The following KIAA0319L variants were observed in gnomAD, a reference collection of about 807,000 sequenced individuals.
KIAA0319L encodes the protein KIAA0319 like, also known as dyslexia-associated protein KIAA0319-like protein.
Under a neutral mutation model 120.1 loss-of-function variants are expected in KIAA0319L, and 55 were observed. That is an observed-to-expected ratio of 0.46 (90% CI 0.37 to 0.57). The LOEUF is 0.57. Ranked by LOEUF, KIAA0319L falls within the 20% of genes least tolerant of loss-of-function variation. The pLI, the probability that KIAA0319L is intolerant of heterozygous loss-of-function variation, is 0.00. For missense variants in KIAA0319L, 1,049 were observed against 1,255.3 expected, an observed-to-expected ratio of 0.84 and a Z score of 2.48; for synonymous variants, 398 against 471.9, an observed-to-expected ratio of 0.84 and a Z score of 2.03.
rs546179797 is a variant in KIAA0319L at position 35,522,142 on chromosome 1, G to A, written c.143-15007C>T. On this transcript the variant is annotated intron_variant, in intron 2 of 20. Transcript: ENST00000325722. ...ATAGCATGCCACAATTTGTTGAGGGGGGAGAAAATATATATATATGCACAT... is the reference window on the plus strand; with the variant it reads ...ATAGCATGCCACAATTTGTTGAGGGAGGAGAAAATATATATATATGCACAT... Among the ~76,000 whole-genome samples, 3 of 152,022 alleles carry A rather than the reference G, an allele frequency of 2.0e-5. No individual in the cohort carries two copies. In the South Asian group the frequency reaches 6.2e-4, roughly 32 times the overall value.
intron 2 of KIAA0319L, among the ~76,000 whole-genome samples, chr1:35,520,303 T>C (rs548249402): frequency 6.6e-6 from 1 of 152,114 alleles, no homozygotes; most frequent in Non-Finnish European, 1.5e-5. Context: ...TTTCACCATA[T>C]TGGCCAGGCT....
chr1:35,514,125 T>A (rs1418441055), intron 2 of KIAA0319L, among the ~76,000 whole-genome samples: 1 of 152,142 alleles, frequency 6.6e-6, no homozygotes, highest in Non-Finnish European at 1.5e-5. Flanking sequence ...GTTAAGTGAA[T>A]TACGGCATAG....
chr1:35,454,123 G>C, intron 11 of KIAA0319L: 1 of 491,658 alleles, frequency 2.0e-6, no homozygotes, highest in Non-Finnish European at 3.6e-6. Flanking sequence ...TATTTCCTAG[G>C]TCTCTTTGAA....
intron 3 of KIAA0319L, among the ~76,000 whole-genome samples, chr1:35,484,270 T>C (rs1644281006): frequency 1.3e-5 from 2 of 152,152 alleles, no homozygotes. Context: ...TGTCTTTGGG[T>C]GTTACACATT....
intron 2 of KIAA0319L, among the ~76,000 whole-genome samples, chr1:35,534,858 C>CAAAAAAAAAAAAAAAA (rs779838672): frequency 2.3e-5 from 1 of 42,636 alleles, no homozygotes; most frequent in Non-Finnish European, 5.5e-5. Flanking sequence ...GACTCCGTCT[C>CAAAAAAAAAAAAAAAA]AAAAAAAAAA....
intron 20 of KIAA0319L, chr1:35,438,406 C>A (rs549037088): frequency 1.8e-4 from 28 of 151,870 alleles, no homozygotes; most frequent in African/African-American, 6.8e-4. Context: ...AAGTCTTCCT[C>A]AAAAATGTAT....
intron 20 of KIAA0319L, chr1:35,435,463 G>C (rs771824391): frequency 5.6e-6 from 1 of 179,944 alleles, no homozygotes; most frequent in Non-Finnish European, 1.2e-5. Flanking sequence ...AAAGAACTCA[G>C]GCTCTGGAGA....
At chr1:35,447,700 T>C (rs1641735854) in intron 16 of KIAA0319L, among the ~76,000 whole-genome samples, 1 of 151,490 alleles carries the variant, frequency 6.6e-6, no homozygotes, top group Non-Finnish European at 1.5e-5. Flanking sequence ...GCTTCCCAAA[T>C]AGCTTGGACT....
chr1:35,538,642 G>C (rs1304742711), intron 2 of KIAA0319L, among the ~76,000 whole-genome samples: 1 of 148,324 alleles, frequency 6.7e-6, no homozygotes, highest in African/African-American at 2.5e-5. Context: ...TTAAGGCACT[G>C]ACTGAATGTG....
Position 35,448,316 on chromosome 1 carries a change from G to A in KIAA0319L, c.2370C>T (p.Asn790=), listed in dbSNP as rs750477600. 3.7e-6 allele frequency: 6 copies of A among 1,613,980 alleles called. No homozygotes were observed. The Admixed American group carries it at 1.0e-4, about 27-fold the overall frequency. ...VEVKPDPRKN[N]LVEIILDINV... is the part of the protein sequence containing the mutation. ...TGATATCCAAGATGATCTCCACCAG[G>A]TTGTTTTTCCTGGGATCTGGAAAGC... The change falls in exon 16 of 21, where the codon AAC becomes AAT. Residue 790 remains asparagine (N), a synonymous_variant. Transcript: ENST00000325722.
At chr1:35,527,628 G>A (rs1417297779) in intron 2 of KIAA0319L, among the ~76,000 whole-genome samples, 3 of 152,012 alleles carry the variant, frequency 2.0e-5, no homozygotes, top group African/African-American at 7.2e-5. Context: ...TTCAATCTTG[G>A]TAGGTTTTAT....
In KIAA0319L at chr1:35,544,104, G is replaced by A. The variant is rs529134572; in HGVS notation, c.142+10246C>T. ...AAGACTGGGCCGGGCATGGTGGCTC[G>A]TGCTTGTAATCCTAGCACTTTGGGG... On this transcript the variant is annotated intron_variant, in intron 2 of 20. Coordinates refer to ENST00000325722, the MANE Select transcript of KIAA0319L (RefSeq NM_024874.5). Among the ~76,000 whole-genome samples, 9 of 152,174 alleles carry A rather than the reference G, an allele frequency of 5.9e-5. No individual in the cohort carries two copies. In the Middle Eastern group the frequency reaches 0.01, roughly 173 times the overall value.
At chr1:35,450,306 G>C in intron 14 of KIAA0319L, 52 bp downstream of exon 14, 1 of 1,558,898 alleles carries the variant, frequency 6.4e-7, no homozygotes, top group South Asian at 1.2e-5. Context: ...GGAACGCGTG[G>C]CTCCTCCTCC....
chr1:35,481,139 T>A (rs1435699883), intron 3 of KIAA0319L, among the ~76,000 whole-genome samples: 3 of 152,252 alleles, frequency 2.0e-5, no homozygotes, highest in Non-Finnish European at 4.4e-5. Context: ...TTCTTTTTTA[T>A]TACTGAGTAG....
At chr1:35,486,429 CTATTT>C (rs1015242190) in intron 3 of KIAA0319L, among the ~76,000 whole-genome samples, 2 of 148,512 alleles carry the variant, frequency 1.3e-5, no homozygotes, top group African/African-American at 2.5e-5. Context: ...GTTTCTGCTT[CTATTT>C]TATTTCTAGA....
At chr1:35,441,213 T>C in intron 19 of KIAA0319L, 75 bp from the exon 20 acceptor site, 1 of 1,320,016 alleles carries the variant, frequency 7.6e-7, no homozygotes, top group East Asian at 2.3e-5. Flanking sequence ...CAGATGTGCA[T>C]GCAGGGCCCT....
At chr1:35,478,827 G>C in intron 4 of KIAA0319L, 139 bp downstream of exon 4, 1 of 1,015,642 alleles carries the variant, frequency 9.8e-7, no homozygotes, top group Non-Finnish European at 1.4e-6. Flanking sequence ...GTCCATGACT[G>C]CAGGGGCAAT....
intron 19 of KIAA0319L, among the ~76,000 whole-genome samples, chr1:35,441,628 T>C (rs1001555411): frequency 7.9e-5 from 12 of 152,278 alleles, no homozygotes; most frequent in African/African-American, 2.9e-4. Flanking sequence ...TTTTTTTATC[T>C]GTAAAATGGG....
rs113738511 is a variant in KIAA0319L, at chr1:35,437,118, G to A, written c.2963-2037C>T. Among the ~76,000 whole-genome samples the A allele has an allele frequency of 9.9e-4, 151 of 152,180 alleles. 1 individual carries two copies. Among genetic ancestry groups the A allele is most frequent in the African/African-American group, 3.4e-3 (141 of 41,506 alleles). ...CCAGCCCTGCTGCCCTCACCTGGTC[G>A]CACGTTGTTGGTTTTGGTCACCTAG... On this transcript the variant is annotated intron_variant, in intron 20 of 20. Transcript: ENST00000325722. The surrounding 1 kb of genome is among the most constrained non-coding windows in gnomAD (Gnocchi z 4.1).
Sources: gnomAD v4.1 joint callset for allele counts (sites outside exome capture counted in the v4.1 genomes callset) on GRCh38, gnomAD v4.1.1 for gene constraint, Gnocchi (gnomAD v3.1) non-coding constraint, MANE v1.5 for transcripts, NCBI Gene and HGNC (gene_info 2026-07-23, HGNC 2026-07-21) for gene names.